The following FMN2 variants were observed in gnomAD, a reference collection of about 807,000 sequenced individuals.
The protein encoded by FMN2 is formin-2.
In FMN2, 51 loss-of-function variants were observed where a neutral mutation model predicts 142.3. That is an observed-to-expected ratio of 0.36 (90% CI 0.29 to 0.45). The LOEUF (loss-of-function observed/expected upper bound fraction) is 0.45, where lower values mean the gene tolerates loss of function less well. Ranked by LOEUF, FMN2 falls within the 20% of genes least tolerant of loss-of-function variation. The pLI is 1.00. For missense variants in FMN2, 1,936 were observed against 2,122.8 expected, an observed-to-expected ratio of 0.91 and a Z score of 1.73; for synonymous variants, 882 against 869.8, an observed-to-expected ratio of 1.01 and a Z score of -0.25.
At chr1:240,414,638 A>G (rs1317109780) in intron 15 of FMN2, among the ~76,000 whole-genome samples, 1 of 152,208 alleles carries the variant, frequency 6.6e-6, no homozygotes, top group East Asian at 1.9e-4. Context: ...GGATAAAACT[A>G]GCAACAGATG....
intron 14 of FMN2, among the ~76,000 whole-genome samples, chr1:240,378,402 C>A (rs144312134): frequency 1.3e-5 from 2 of 152,146 alleles, no homozygotes; most frequent in Non-Finnish European, 2.9e-5. Flanking sequence ...CCACCCACCT[C>A]GGCCTCCCAA....
At chr1:240,341,909 G>A (rs1251358665) in intron 13 of FMN2, among the ~76,000 whole-genome samples, 1 of 152,192 alleles carries the variant, frequency 6.6e-6, no homozygotes, top group South Asian at 2.1e-4. Context: ...TTGCATGTGG[G>A]CTACAGCCCT....
chr1:240,169,563 C>G (rs886588523), intron 2 of FMN2, among the ~76,000 whole-genome samples: 7 of 152,148 alleles, frequency 4.6e-5, no homozygotes, highest in African/African-American at 9.7e-5. Context: ...TCCCCCCGGG[C>G]TCATGCATTC....
intron 8 of FMN2, among the ~76,000 whole-genome samples, chr1:240,328,690 G>C (rs1189156590): frequency 6.6e-6 from 1 of 151,832 alleles, no homozygotes; most frequent in Admixed American, 6.6e-5. Flanking sequence ...CCCAGGTTCA[G>C]GTGATTCTCC....
intron 11 of FMN2, among the ~76,000 whole-genome samples, chr1:240,331,206 G>C (rs185799777): frequency 2.0e-5 from 3 of 152,156 alleles, no homozygotes; most frequent in Non-Finnish European, 4.4e-5. Flanking sequence ...AAAATGGCTT[G>C]TAAACAAAAT....
intron 15 of FMN2, among the ~76,000 whole-genome samples, chr1:240,395,605 G>T (rs1025942938): frequency 1.1e-4 from 16 of 152,180 alleles, no homozygotes; most frequent in African/African-American, 3.9e-4. Flanking sequence ...TGGTTTTGAG[G>T]ATTCCAAGAC....
intron 17 of FMN2, 26 bp from the exon 18 acceptor site, chr1:240,474,101 AC>A (rs772336255): frequency 7.1e-6 from 11 of 1,551,536 alleles, no homozygotes; most frequent in South Asian, 6.3e-5. Flanking sequence ...TCTAACTAAA[AC>A]TTTTATCTGG....
At chr1:240,145,129 AATC>A in intron 2 of FMN2, 1 of 1,486,086 alleles carries the variant, frequency 6.7e-7, no homozygotes, top group South Asian at 1.1e-5. Context: ...TAGAAGAACG[AATC>A]TGCCTTCGCA....
Position 240,092,721 on chromosome 1 carries a change from C to T in FMN2, c.612C>T (p.Arg204=). 6.2e-7 allele frequency: 1 copy of T among 1,613,240 alleles called. No homozygotes were observed. The highest frequency in any genetic ancestry group is 8.5e-7 in the Non-Finnish European group (1 of 1,179,836). The part of the protein sequence containing the change: ...DLLSDIQQAI[R]LQQQQQQQLQ... ...TTTCAGACATCCAGCAGGCGATCCG[C>T]CTGCAGCAGCAGCAGCAGCAGCAGC... Residue 204 remains arginine (R), a synonymous_variant, in exon 1 of 18, where the codon CGC becomes CGT. Coordinates refer to ENST00000319653, the MANE Select transcript of FMN2 (RefSeq NM_020066.5).
intron 2 of FMN2, among the ~76,000 whole-genome samples, chr1:240,152,022 T>C (rs899936385): frequency 6.0e-4 from 92 of 152,128 alleles, no homozygotes; most frequent in African/African-American, 2.2e-3. Flanking sequence ...CTGCTTCAGC[T>C]GGCCTCCCAA....
chr1:240,337,941 A>T (rs749696370), intron 13 of FMN2, among the ~76,000 whole-genome samples: 4 of 152,148 alleles, frequency 2.6e-5, no homozygotes, highest in Non-Finnish European at 5.9e-5. Context: ...AAGCAACCTG[A>T]TCTGCTTTTG....
intron 2 of FMN2, chr1:240,144,284 A>G: frequency 6.2e-7 from 1 of 1,605,076 alleles, no homozygotes; most frequent in Non-Finnish European, 8.5e-7. Flanking sequence ...GGCAGAGTCC[A>G]CCTGAGAGCC....
intron 2 of FMN2, among the ~76,000 whole-genome samples, chr1:240,169,352 C>G (rs1664609518): frequency 6.6e-6 from 1 of 152,186 alleles, no homozygotes; most frequent in African/African-American, 2.4e-5. Context: ...AAGCCCAATT[C>G]AGTTGAGGCA....
intron 1 of FMN2, among the ~76,000 whole-genome samples, chr1:240,105,562 T>C (rs1260567184): frequency 6.6e-6 from 1 of 152,220 alleles, no homozygotes; most frequent in Non-Finnish European, 1.5e-5. Context: ...GAAAGATCTC[T>C]TCATTTATTC....
intron 7 of FMN2, among the ~76,000 whole-genome samples, chr1:240,271,023 A>G (rs984579197): frequency 1.3e-5 from 2 of 151,314 alleles, no homozygotes; most frequent in Non-Finnish European, 2.9e-5. Context: ...TGTTAAATAA[A>G]TAATTAAAGC....
chr1:240,431,890 C>CTTT (rs1675191604), intron 15 of FMN2, among the ~76,000 whole-genome samples: 1 of 148,512 alleles, frequency 6.7e-6, no homozygotes, highest in Admixed American at 6.7e-5. Context: ...TTTTTTTTTG[C>CTTT]TTATGCTCAT....
At position 240,177,861 on chromosome 1, in the gene FMN2, TG is replaced by T. The variant is rs2103323312; in HGVS notation, c.1783-58del. ...AAATGATTTTGCAATGTATTAGTCA[TG>T]GCTTATTTTTTTGTAACTGAATTAA... On this transcript the variant is annotated intron_variant, in intron 2 of 17. Coordinates refer to ENST00000319653, the MANE Select transcript of FMN2 (RefSeq NM_020066.5). 2.1e-6 allele frequency: 3 copies of T among 1,426,948 alleles called. No homozygotes were observed. The East Asian group carries it at 7.3e-5, about 35-fold the overall frequency. 88.4% of individuals were successfully genotyped at this position (1,426,948 alleles called of 1,614,324 possible). A position where few individuals can be genotyped will look rare whatever the true frequency, so the allele number is the denominator to read the frequency against.
chr1:240,401,302 T>C (rs1342033528), intron 15 of FMN2, among the ~76,000 whole-genome samples: 2 of 152,208 alleles, frequency 1.3e-5, no homozygotes, highest in Non-Finnish European at 2.9e-5. Flanking sequence ...TTATAGATTA[T>C]TCTTATCATG....
chr1:240,297,375 C>T (rs1670022162), intron 8 of FMN2, among the ~76,000 whole-genome samples: 1 of 151,936 alleles, frequency 6.6e-6, no homozygotes, highest in African/African-American at 2.4e-5. Context: ...GCGGGAGGAT[C>T]ACGAGGTCGG....
Sources: allele counts gnomAD v4.1 joint callset (sites outside exome capture counted in the v4.1 genomes callset), GRCh38; gene constraint gnomAD v4.1.1; transcripts MANE v1.5; gene names NCBI Gene and HGNC (gene_info 2026-07-23, HGNC 2026-07-21).